PCSK5: variants seen among roughly 807,000 people sequenced by gnomAD.
The protein encoded by PCSK5 is prohormone convertase 5.
PCSK5 carries 129 observed loss-of-function variants against 233.2 expected under a neutral mutation model. That is an observed-to-expected ratio of 0.55 (90% confidence interval 0.48 to 0.64). The LOEUF (loss-of-function observed/expected upper bound fraction) is 0.64, where lower values mean the gene tolerates loss of function less well. Among genes scored for constraint, PCSK5 ranks in the 30% least tolerant of loss-of-function variants. The pLI is 0.00. For synonymous variants in PCSK5, 825 were observed against 879.2 expected (o/e 0.94, Z 1.09); for missense variants, 2,076 against 2,430.1 (o/e 0.85, Z 3.06).
intron 20 of PCSK5, among the ~76,000 whole-genome samples, chr9:76,223,515 A>T (rs939780129): frequency 1.3e-5 from 2 of 152,198 alleles, no homozygotes; most frequent in African/African-American, 2.4e-5. Context: ...AAAATTTATA[A>T]GTATTAATTT....
intron 20 of PCSK5, among the ~76,000 whole-genome samples, chr9:76,198,652 C>T (rs563863923): frequency 1.3e-5 from 2 of 152,290 alleles, no homozygotes; most frequent in East Asian, 3.9e-4. Flanking sequence ...AGAAAGCACA[C>T]TGTGTGCCTG....
chr9:76,328,583 C>T (rs1043231717), intron 33 of PCSK5, among the ~76,000 whole-genome samples: 13 of 152,088 alleles, frequency 8.5e-5, no homozygotes, highest in Non-Finnish European at 1.6e-4. Context: ...ACATATTTTT[C>T]GAAGCCATTT....
At chr9:76,350,771 AAGAC>A in intron 35 of PCSK5, 53 bp from the exon 36 acceptor site, 1 of 1,037,804 alleles carries the variant, frequency 9.6e-7, no homozygotes, top group South Asian at 1.3e-5. Flanking sequence ...TTCCGGAACA[AAGAC>A]AGAAGTTGAA....
chr9:76,256,153 T>C (rs1366106883), intron 24 of PCSK5, among the ~76,000 whole-genome samples: 1 of 152,250 alleles, frequency 6.6e-6, no homozygotes, highest in Non-Finnish European at 1.5e-5. Context: ...TTCTCCAACA[T>C]TCAAGCTCAC....
At chr9:76,026,234 A>G (rs1828419501) in intron 4 of PCSK5, among the ~76,000 whole-genome samples, 1 of 152,322 alleles carries the variant, frequency 6.6e-6, no homozygotes, top group South Asian at 2.1e-4. Flanking sequence ...ATCAGTTTTA[A>G]AAGCAAACAA....
At chr9:75,954,998 A>G (rs761677569) in intron 2 of PCSK5, among the ~76,000 whole-genome samples, 14 of 152,316 alleles carry the variant, frequency 9.2e-5, no homozygotes, top group South Asian at 2.1e-4. Flanking sequence ...TAGGTTCTGC[A>G]CTGAATATTG....
At chr9:76,167,702 T>C (rs1370003980) in intron 12 of PCSK5, among the ~76,000 whole-genome samples, 2 of 152,222 alleles carry the variant, frequency 1.3e-5, no homozygotes, top group African/African-American at 4.8e-5. Flanking sequence ...GTTACTTTTA[T>C]GTTTAGAAGG....
At chr9:75,994,670 C>A (rs1826934871) in intron 3 of PCSK5, among the ~76,000 whole-genome samples, 2 of 152,154 alleles carry the variant, frequency 1.3e-5, no homozygotes, top group South Asian at 4.2e-4. Flanking sequence ...GATCCACCCG[C>A]CTCGGCCTCC....
intron 1 of PCSK5, among the ~76,000 whole-genome samples, chr9:75,919,577 C>T (rs1305727001): frequency 1.3e-5 from 2 of 152,232 alleles, no homozygotes; most frequent in Non-Finnish European, 2.9e-5. Context: ...ACTTACCCCA[C>T]ATCCTCAGCA....
At chr9:76,258,050 C>T (rs1396356532) in intron 24 of PCSK5, among the ~76,000 whole-genome samples, 2 of 152,156 alleles carry the variant, frequency 1.3e-5, no homozygotes. Context: ...TTTTCCACAG[C>T]TCCCAGGTAC....
chr9:76,223,495 G>A lies in PCSK5; in HGVS notation c.2627-4008G>A, dbSNP rs556863070. The stretch of plus-strand genomic sequence containing the variant: ...ATGGAATAAGCACAGTAAGCCACTT[G>A]TAACTTTTTAAAATTTATAAGTATT... On this transcript the variant is annotated intron_variant, in intron 20 of 37. Coordinates refer to ENST00000674117, the MANE Select transcript of PCSK5 (RefSeq NM_001372043.1). Among the ~76,000 whole-genome samples, 3 of 152,314 alleles carry A rather than the reference G, an allele frequency of 2.0e-5. No individual in the cohort carries two copies. The South Asian group carries it at 6.2e-4, about 32-fold the overall frequency.
chr9:75,974,856 G>A (rs1825950139), intron 2 of PCSK5, among the ~76,000 whole-genome samples: 1 of 152,176 alleles, frequency 6.6e-6, no homozygotes, highest in African/African-American at 2.4e-5. Flanking sequence ...CAAGGGGACA[G>A]AATACACTTA....
intron 2 of PCSK5, among the ~76,000 whole-genome samples, chr9:75,936,744 T>C (rs1824073052): frequency 6.6e-6 from 1 of 152,214 alleles, no homozygotes; most frequent in Admixed American, 6.5e-5. Context: ...CCTGTTAATA[T>C]TGCTATTTTG....
chr9:75,909,063 G>A (rs1044439992), intron 1 of PCSK5, among the ~76,000 whole-genome samples: 11 of 152,000 alleles, frequency 7.2e-5, no homozygotes, highest in Non-Finnish European at 1.3e-4. Flanking sequence ...AGTGGCTCAT[G>A]CCTGTAATAC....
chr9:75,898,803 C>T (rs1306259571), intron 1 of PCSK5, among the ~76,000 whole-genome samples: 1 of 152,162 alleles, frequency 6.6e-6, no homozygotes, highest in African/African-American at 2.4e-5. Context: ...CAACAACCCA[C>T]TGATTCTACC....
At chr9:76,239,704 A>T (rs1341850884) in intron 23 of PCSK5, among the ~76,000 whole-genome samples, 8 of 128,428 alleles carry the variant, frequency 6.2e-5, no homozygotes, top group Admixed American at 1.7e-4. Flanking sequence ...TCAAAAAAAA[A>T]AAAAAAGAAA....
intron 33 of PCSK5, among the ~76,000 whole-genome samples, chr9:76,329,710 G>A (rs375450753): frequency 7.9e-5 from 12 of 151,950 alleles, no homozygotes; most frequent in African/African-American, 2.9e-4. Flanking sequence ...GTGGGCACCT[G>A]TAGTCCCAGC....
Position 76,243,694 on chromosome 9 carries a change from A to G in PCSK5, c.3142+3010A>G, listed in dbSNP as rs141893767. On this transcript the variant is annotated intron_variant, in intron 24 of 37. Coordinates refer to ENST00000674117, the MANE Select transcript of PCSK5 (RefSeq NM_001372043.1). ...TATGTATACACCTTTCTGCCTGGAC[A>G]CTAAACTACCTGAGAACAAGCTCTT... Among the ~76,000 whole-genome samples the G allele has an allele frequency of 5.1e-3, 775 of 152,298 alleles. 7 individuals are homozygous for G. Among genetic ancestry groups the G allele is most frequent in the African/African-American group, 0.018 (728 of 41,562 alleles).
intron 20 of PCSK5, among the ~76,000 whole-genome samples, chr9:76,196,357 G>C (rs139138121): frequency 6.6e-6 from 1 of 152,202 alleles, no homozygotes; most frequent in Non-Finnish European, 1.5e-5. Context: ...GACATCTTGC[G>C]TAAAGTCGGC....
Sources: gnomAD v4.1 joint callset for allele counts (sites outside exome capture counted in the v4.1 genomes callset) on GRCh38, gnomAD v4.1.1 for gene constraint, MANE v1.5 for transcripts, NCBI Gene and HGNC (gene_info 2026-07-23, HGNC 2026-07-21) for gene names.